The following SEMA3C variants were observed in gnomAD, a reference collection of about 807,000 sequenced individuals.
The protein encoded by SEMA3C is semaphorin-3C.
Under a neutral mutation model 89.4 loss-of-function variants are expected in SEMA3C, and 47 were observed. That is an observed-to-expected ratio of 0.53 (90% CI 0.42 to 0.67). The LOEUF (loss-of-function observed/expected upper bound fraction) is 0.67. SEMA3C is among the 30% of genes least tolerant of loss of function. The probability of loss-of-function intolerance (pLI) is 0.00; values close to 1 mark genes in which losing one functional copy is unlikely to be tolerated. For missense variants in SEMA3C, 839 were observed against 929.1 expected, an observed-to-expected ratio of 0.90 and a Z score of 1.26; for synonymous variants, 310 against 320.2, an observed-to-expected ratio of 0.97 and a Z score of 0.34.
intron 17 of SEMA3C, among the ~76,000 whole-genome samples, chr7:80,746,747 G>GTGTGTGTGTGT (rs1554357889): frequency 2.0e-5 from 3 of 150,616 alleles, no homozygotes; most frequent in Non-Finnish European, 4.4e-5. Flanking sequence ...GTGTGTGTGT[G>GTGTGTGTGTGT]GAGGGGAGGA....
chr7:80,894,277 AAGTT>A (rs921107638), intron 2 of SEMA3C, among the ~76,000 whole-genome samples: 9 of 152,118 alleles, frequency 5.9e-5, no homozygotes, highest in Non-Finnish European at 1.2e-4. Context: ...AAAACACAGT[AAGTT>A]AGATCTGTAT....
chr7:80,753,386 A>G (rs989771579), intron 15 of SEMA3C, among the ~76,000 whole-genome samples: 1 of 152,230 alleles, frequency 6.6e-6, no homozygotes, highest in Non-Finnish European at 1.5e-5. Context: ...TAGGCAAGCA[A>G]TATCATCCAC....
intron 17 of SEMA3C, 78 bp from the exon 18 acceptor site, chr7:80,745,385 T>A: frequency 7.4e-7 from 1 of 1,360,124 alleles, no homozygotes; most frequent in Admixed American, 2.1e-5. Context: ...CACAGAATAG[T>A]CTCAACTTTC....
intron 2 of SEMA3C, among the ~76,000 whole-genome samples, chr7:80,861,363 T>C (rs774626682): frequency 1.2e-4 from 19 of 152,310 alleles, no homozygotes; most frequent in Non-Finnish European, 2.4e-4. Flanking sequence ...TCAGTTAAAT[T>C]TGCCACTTAA....
intron 2 of SEMA3C, among the ~76,000 whole-genome samples, chr7:80,833,460 T>TA (rs113621191): frequency 1.3e-4 from 19 of 145,830 alleles, no homozygotes; most frequent in South Asian, 4.4e-4. Context: ...AGACTCTGTC[T>TA]AAAAAAAAAA....
chr7:80,886,739 ATC>A (rs1404060665), intron 2 of SEMA3C, among the ~76,000 whole-genome samples: 1 of 152,230 alleles, frequency 6.6e-6, no homozygotes, highest in Non-Finnish European at 1.5e-5. Flanking sequence ...AAATTCAGAT[ATC>A]TAAGGAGTTA....
intron 13 of SEMA3C, 126 bp from the exon 14 acceptor site, chr7:80,761,783 A>G: frequency 1.8e-6 from 1 of 544,124 alleles, no homozygotes. Flanking sequence ...CTACTTTAAA[A>G]TTACTTGTTA....
intron 2 of SEMA3C, among the ~76,000 whole-genome samples, chr7:80,832,322 A>T (rs117084613): frequency 0.011 from 1,650 of 152,316 alleles, 18 homozygotes; most frequent in Admixed American, 0.018. Context: ...TAATTTCCTC[A>T]TCTATACATT....
intron 2 of SEMA3C, among the ~76,000 whole-genome samples, chr7:80,837,915 C>G (rs891572906): frequency 6.6e-6 from 1 of 152,162 alleles, no homozygotes; most frequent in Non-Finnish European, 1.5e-5. Context: ...CTTGCTGAAA[C>G]CTACCTTGTT....
chr7:80,769,858 C>G lies in SEMA3C; in HGVS notation c.1355-4615G>C, dbSNP rs201530180. On this transcript the variant is annotated intron_variant, in intron 12 of 17. Transcript: ENST00000265361. ...TGGGGGATAGAGCAAGACTCTGTCCCCCCCCCAAAAAAAAAAAAAAAAAAA... is the reference window on the plus strand; with the variant it reads ...TGGGGGATAGAGCAAGACTCTGTCCGCCCCCCAAAAAAAAAAAAAAAAAAA... Among the ~76,000 whole-genome samples the G allele has an allele frequency of 1.3e-4, 13 of 100,576 alleles. No individual in the cohort carries two copies. In the East Asian group the frequency reaches 1.6e-3, roughly 13 times the overall value. The allele number at this position is 100,576 out of a possible 152,430, so 66.0% of individuals were successfully genotyped here. A position where few individuals can be genotyped will look rare whatever the true frequency, so the allele number is the denominator to read the frequency against.
chr7:80,901,899 A>G (rs1791889446), intron 2 of SEMA3C, among the ~76,000 whole-genome samples: 1 of 152,210 alleles, frequency 6.6e-6, no homozygotes. Context: ...TAAAACAAAG[A>G]ATGTTATAAG....
intron 2 of SEMA3C, among the ~76,000 whole-genome samples, chr7:80,861,686 G>A (rs1206196768): frequency 6.6e-6 from 1 of 152,114 alleles, no homozygotes; most frequent in Non-Finnish European, 1.5e-5. Context: ...GAATATTTTT[G>A]CGTAAGTATT....
chr7:80,798,278 A>C, intron 10 of SEMA3C, 42 bp from the exon 11 acceptor site: 3 of 1,346,746 alleles, frequency 2.2e-6, no homozygotes, highest in Non-Finnish European at 2.9e-6. Context: ...AATTTTTAAA[A>C]TTAAAATACA....
chr7:80,919,421 C>T (rs1318083802), upstream of SEMA3C: 1 of 968,190 alleles, frequency 1.0e-6, no homozygotes, highest in East Asian at 1.1e-4. Context: ...AAGACTTACA[C>T]AGGCTTTGCC....
At chr7:80,755,145 T>C (rs910523992) in intron 15 of SEMA3C, among the ~76,000 whole-genome samples, 6 of 151,678 alleles carry the variant, frequency 4.0e-5, no homozygotes, top group Non-Finnish European at 7.4e-5. Flanking sequence ...CTATCCATTA[T>C]TCATAGTTTA....
intron 17 of SEMA3C, among the ~76,000 whole-genome samples, chr7:80,747,537 A>G (rs1787829546): frequency 6.6e-6 from 1 of 152,082 alleles, no homozygotes; most frequent in Non-Finnish European, 1.5e-5. Flanking sequence ...CTAACAACTC[A>G]CTTGTATATA....
intron 12 of SEMA3C, among the ~76,000 whole-genome samples, chr7:80,778,075 C>A (rs946634233): frequency 3.9e-5 from 6 of 152,008 alleles, no homozygotes; most frequent in Admixed American, 6.6e-5. Context: ...TTAAAAAAAC[C>A]CCCATAATAT....
intron 2 of SEMA3C, among the ~76,000 whole-genome samples, chr7:80,851,285 T>C (rs1395457274): frequency 6.6e-6 from 1 of 151,794 alleles, no homozygotes; most frequent in Non-Finnish European, 1.5e-5. Context: ...GGTGGGTAGA[T>C]CACAAGGTCA....
intron 11 of SEMA3C, among the ~76,000 whole-genome samples, chr7:80,791,391 A>G (rs2115597328): frequency 6.6e-6 from 1 of 152,296 alleles, no homozygotes; most frequent in Non-Finnish European, 1.5e-5. Context: ...ATTCCTGTCG[A>G]TATCTCTACT....
Sources: gnomAD v4.1 joint callset for allele counts (sites outside exome capture counted in the v4.1 genomes callset) on GRCh38, gnomAD v4.1.1 for gene constraint, MANE v1.5 for transcripts, NCBI Gene and HGNC (gene_info 2026-07-23, HGNC 2026-07-21) for gene names.